Variants in BCO1 observed in about 807,000 individuals in gnomAD.
BCO1 encodes the protein beta,beta-carotene 15,15'-dioxygenase.
BCO1 carries 54 observed loss-of-function variants against 56.3 expected under a neutral mutation model. The ratio of observed to expected loss-of-function variants is 0.96; its 90% CI spans 0.77 to 1.20. The LOEUF (loss-of-function observed/expected upper bound fraction) is 1.20. Ranked by LOEUF, BCO1 falls within the 50% of genes most tolerant of loss-of-function variation. BCO1 has a pLI of 0.00. For synonymous variants in BCO1, 318 were observed against 266.1 expected (o/e 1.20, Z -1.90); for missense variants, 801 against 690.9 (o/e 1.16, Z -1.79).
intron 9 of BCO1, 134 bp downstream of exon 9, chr16:81,285,768 GAAGT>G: frequency 1.3e-6 from 1 of 741,592 alleles, no homozygotes; most frequent in South Asian, 1.5e-5. Context: ...AAATAAATTT[GAAGT>G]AAGGATGTTC....
At chr16:81,260,908 T>C (rs748786814) in intron 3 of BCO1, among the ~76,000 whole-genome samples, 1 of 152,230 alleles carries the variant, frequency 6.6e-6, no homozygotes, top group African/African-American at 2.4e-5. Flanking sequence ...GCCATCAGTA[T>C]CTTCTTTCTG....
Position 81,245,538 on chromosome 16 carries a change from G to T in BCO1, c.128G>T (p.Gly43Val). 6.2e-7 allele frequency: 1 copy of T among 1,613,804 alleles called. No individual in the cohort carries two copies. The highest frequency in any genetic ancestry group is 8.5e-7 in the Non-Finnish European group (1 of 1,179,698). ...LRNGPGMHTV[G>V]ESRYNHWFDG... ...AATGGGCCTGGGATGCACACAGTTG[G>T]GGAGTCCAGATACAACCATTGGTTC... Residue 43 changes from glycine to valine, a missense_variant, in exon 2 of 11, where the codon GGG becomes GTG. Gly to Val is a moderately radical substitution (Grantham distance 109, BLOSUM62 -3). Coordinates refer to ENST00000258168, the MANE Select transcript of BCO1 (RefSeq NM_017429.3).
At chr16:81,254,161 C>T (rs1475155522) in intron 2 of BCO1, among the ~76,000 whole-genome samples, 1 of 152,058 alleles carries the variant, frequency 6.6e-6, no homozygotes, top group African/African-American at 2.4e-5. Context: ...TAGAGTCTCC[C>T]TCTGTCACCC....
chr16:81,266,422 T>A (rs1367008184), intron 5 of BCO1, among the ~76,000 whole-genome samples: 1 of 152,042 alleles, frequency 6.6e-6, no homozygotes, highest in Non-Finnish European at 1.5e-5. Flanking sequence ...ACCTTCTAGT[T>A]TAAAAAAAAC....
chr16:81,248,059 A>G (rs1484771479), intron 2 of BCO1, among the ~76,000 whole-genome samples: 2 of 152,082 alleles, frequency 1.3e-5, no homozygotes, highest in East Asian at 1.9e-4. Flanking sequence ...ACAGCTCTGT[A>G]TTATGTCTCG....
In BCO1 at chr16:81,290,459, T is replaced by C. The variant is rs1179884241; in HGVS notation, c.1526T>C (p.Met509Thr). 11 of 1,614,212 alleles carry C rather than the reference T, an allele frequency of 6.8e-6. No homozygotes were observed. Among genetic ancestry groups the C allele is most frequent in the Non-Finnish European group, 9.3e-6 (11 of 1,180,026 alleles). The change falls in exon 11 of 11, where the codon ATG becomes ACG. Residue 509 changes from methionine (M) to threonine (T), a missense_variant. Coordinates refer to ENST00000258168, the MANE Select transcript of BCO1 (RefSeq NM_017429.3). ...GCCCGTGCCTCTGTTGATGTCGATA[T>C]GCACATGGATCTCCATGGATTATTC... ...ELARASVDVDMHMDLHGLFIT... is the reference protein window; with the variant it reads ...ELARASVDVDTHMDLHGLFIT...
In BCO1 at chr16:81,290,815, C is replaced by T. The variant is rs1311224660; in HGVS notation, c.*238C>T. The T allele has an allele frequency of 5.8e-5, 27 of 466,328 alleles. No individual in the cohort carries two copies. The highest frequency in any genetic ancestry group is 9.9e-5 in the Non-Finnish European group (26 of 263,488). 28.9% of individuals were successfully genotyped at this position (466,328 alleles called of 1,614,324 possible). On this transcript the variant is annotated 3_prime_UTR_variant, in exon 11 of 11. Transcript: ENST00000258168. ...CAAATATGTATTGATTAGATCCAGT[C>T]CTTCTAAGAAACCTCCTTTCCTTTA...
intron 7 of BCO1, among the ~76,000 whole-genome samples, chr16:81,275,345 A>G (rs944131640): frequency 1.3e-5 from 2 of 152,212 alleles, no homozygotes; most frequent in African/African-American, 2.4e-5. Context: ...GCTTCCGCCC[A>G]GACCGGGGAA....
At chr16:81,276,564 G>T (rs1296431874) in intron 7 of BCO1, among the ~76,000 whole-genome samples, 1 of 152,188 alleles carries the variant, frequency 6.6e-6, no homozygotes, top group Non-Finnish European at 1.5e-5. Context: ...GGAGCCAAGG[G>T]CCAGAGACTG....
chr16:81,244,194 G>A (rs1398832829), intron 1 of BCO1, among the ~76,000 whole-genome samples: 1 of 152,240 alleles, frequency 6.6e-6, no homozygotes, highest in African/African-American at 2.4e-5. Context: ...AACGCTGAGA[G>A]GACTTGGGTG....
At chr16:81,252,340 A>T (rs1050098650) in intron 2 of BCO1, among the ~76,000 whole-genome samples, 1 of 150,824 alleles carries the variant, frequency 6.6e-6, no homozygotes, top group African/African-American at 2.4e-5. Flanking sequence ...GCTCACTGCA[A>T]CCTCTACCTC....
chr16:81,262,128 C>A lies in BCO1; in HGVS notation c.324-8C>A. On this transcript the variant is annotated splice_polypyrimidine_tract_variant and splice_region_variant and intron_variant, in intron 3 of 10. Coordinates refer to ENST00000258168, the MANE Select transcript of BCO1 (RefSeq NM_017429.3). ...CCACTGACTCTGTTGATTTGCTTTT[C>A]TCCCCAGAGCTTTCTCCTACTTGTC... is the stretch of plus-strand genomic sequence containing the variant. The A allele has an allele frequency of 6.2e-7, 1 of 1,613,452 alleles. No individual in the cohort carries two copies. Among genetic ancestry groups the A allele is most frequent in the Non-Finnish European group, 8.5e-7 (1 of 1,179,886 alleles).
intron 2 of BCO1, among the ~76,000 whole-genome samples, chr16:81,253,697 C>G (rs1203268404): frequency 6.6e-6 from 1 of 152,192 alleles, no homozygotes; most frequent in Non-Finnish European, 1.5e-5. Flanking sequence ...GGCACCGTGC[C>G]TCACACTTGT....
intron 2 of BCO1, among the ~76,000 whole-genome samples, chr16:81,246,933 C>G (rs1440438997): frequency 6.6e-6 from 1 of 151,104 alleles, no homozygotes; most frequent in East Asian, 1.9e-4. Context: ...CAGAGCCAGA[C>G]CACTTACACA....
In BCO1 at chr16:81,285,444, C is replaced by T. The variant is rs948428129; in HGVS notation, c.1208-96C>T. 38 of 913,694 alleles carry T rather than the reference C, an allele frequency of 4.2e-5. No homozygotes were observed. In the East Asian group the frequency reaches 4.2e-4, roughly 10 times the overall value. The allele number at this position is 913,694 out of a possible 1,614,324, so 56.6% of individuals were successfully genotyped here. On this transcript the variant is annotated intron_variant, in intron 8 of 10. Coordinates refer to ENST00000258168, the MANE Select transcript of BCO1 (RefSeq NM_017429.3). ...AAGCTCAAGGATCTTGGTGTGGAAACGGATTCTGAGGAAAGGCTACCCAAT... is the reference window on the plus strand; with the variant it reads ...AAGCTCAAGGATCTTGGTGTGGAAATGGATTCTGAGGAAAGGCTACCCAAT...
chr16:81,264,525 C>T (rs1203905734), intron 4 of BCO1, 115 bp from the exon 5 acceptor site: 23 of 1,234,604 alleles, frequency 1.9e-5, no homozygotes, highest in Non-Finnish European at 2.7e-5. Context: ...AACCTAGAAT[C>T]AGTCACGTTT....
At position 81,290,676 on chromosome 16, in the gene BCO1, T is replaced by G; in HGVS notation, c.*99T>G. On this transcript the variant is annotated 3_prime_UTR_variant, in exon 11 of 11. Transcript: ENST00000258168. ...GGAGGGCCTTTGTTACCTTTTGCAC[T>G]TATTCTTTCTGTGGGTGCTTTGACA... 1.1e-6 allele frequency: 1 copy of G among 932,388 alleles called. No individual in the cohort carries two copies. The highest frequency in any genetic ancestry group is 1.6e-6 in the Non-Finnish European group (1 of 607,332). The allele number at this position is 932,388 out of a possible 1,614,324, so 57.8% of individuals were successfully genotyped here.
At chr16:81,239,045 C>T (rs1904994579) in intron 1 of BCO1, 73 bp downstream of exon 1, 1 of 1,329,682 alleles carries the variant, frequency 7.5e-7, no homozygotes, top group Non-Finnish European at 1.0e-6. Context: ...GAGGCGGAGT[C>T]TCGCTCTGTC....
At chr16:81,256,824 G>C (rs1312389855) in intron 2 of BCO1, among the ~76,000 whole-genome samples, 1 of 152,050 alleles carries the variant, frequency 6.6e-6, no homozygotes, top group African/African-American at 2.4e-5. Context: ...AGACGTGGAG[G>C]TTACAGTGAG....
Sources: allele counts gnomAD v4.1 joint callset (sites outside exome capture counted in the v4.1 genomes callset), GRCh38; gene constraint gnomAD v4.1.1; transcripts MANE v1.5; gene names NCBI Gene and HGNC (gene_info 2026-07-23, HGNC 2026-07-21).